The following WDTC1 variants were observed in gnomAD, a reference collection of about 807,000 sequenced individuals.
WDTC1 encodes WD and tetratricopeptide repeats 1, also known as WD and tetratricopeptide repeats protein 1.
In WDTC1, 12 loss-of-function variants were observed where a neutral mutation model predicts 76.0. The ratio of observed to expected loss-of-function variants is 0.16; its 90% CI spans 0.10 to 0.26. The LOEUF is 0.26. Among genes scored for constraint, WDTC1 ranks in the 10% least tolerant of loss-of-function variants. The pLI is 1.00. For synonymous variants in WDTC1, 326 were observed against 350.8 expected, an observed-to-expected ratio of 0.93 and a Z score of 0.79; for missense variants, 511 against 908.8, an observed-to-expected ratio of 0.56 and a Z score of 5.63.
chr1:27,238,434 G>A (rs1044042291), intron 1 of WDTC1, among the ~76,000 whole-genome samples: 26 of 152,166 alleles, frequency 1.7e-4, no homozygotes, highest in Admixed American at 1.6e-3. Flanking sequence ...CCTTGTGAGG[G>A]AGTGAGTTAC....
chr1:27,296,744 C>T (rs2013696896), intron 10 of WDTC1, among the ~76,000 whole-genome samples: 1 of 151,946 alleles, frequency 6.6e-6, no homozygotes, highest in South Asian at 2.1e-4. Flanking sequence ...CACCTCCTCA[C>T]TCCATTCCCA....
chr1:27,282,324 G>A, intron 4 of WDTC1, 39 bp downstream of exon 4: 7 of 1,606,342 alleles, frequency 4.4e-6, no homozygotes, highest in Non-Finnish European at 6.0e-6. Context: ...TGCTGGGGAA[G>A]GAAGTAAGGA....
Position 27,288,420 on chromosome 1 carries a change from T to G in WDTC1, c.479+559T>G, listed in dbSNP as rs555453722. 8.0e-4 allele frequency among the ~76,000 whole-genome samples: 122 copies of G among 152,038 alleles called. 1 individual carries two copies. Among genetic ancestry groups the G allele is most frequent in the African/African-American group, 2.5e-3 (102 of 41,464 alleles). Reference sequence around the variant, plus strand: ...CAGAGGGGGATTTGGCAGGGTCATATGACAATAGTGGAGGGAAGGTCAGCA... The same window carrying G: ...CAGAGGGGGATTTGGCAGGGTCATAGGACAATAGTGGAGGGAAGGTCAGCA... On this transcript the variant is annotated intron_variant, in intron 6 of 15. Coordinates refer to ENST00000319394, the MANE Select transcript of WDTC1 (RefSeq NM_001276252.2).
At chr1:27,262,972 C>A (rs1050738287) in intron 2 of WDTC1, among the ~76,000 whole-genome samples, 180 bp from the exon 3 acceptor site, 2 of 151,644 alleles carry the variant, frequency 1.3e-5, no homozygotes, top group African/African-American at 2.4e-5. Context: ...TAATTATATA[C>A]TACTGTCTTC....
Position 27,305,212 on chromosome 1 carries a change from G to C in WDTC1, c.1836+19G>C. 4 of 1,610,072 alleles carry C rather than the reference G, an allele frequency of 2.5e-6. No homozygotes were observed. Among genetic ancestry groups the C allele is most frequent in the Non-Finnish European group, 3.4e-6 (4 of 1,178,450 alleles). On this transcript the variant is annotated intron_variant, in intron 15 of 15. Coordinates refer to ENST00000319394, the MANE Select transcript of WDTC1 (RefSeq NM_001276252.2). This position sits in a 1 kb window ranked among gnomAD's most constrained non-coding sequence, Gnocchi z 4.6. ...ACCAGAGGTGAGGGTGCAGAGCCAAGCAGAGAGGAGGGCAGGGACTCTGTG... is the reference window on the plus strand; with the variant it reads ...ACCAGAGGTGAGGGTGCAGAGCCAACCAGAGAGGAGGGCAGGGACTCTGTG...
At chr1:27,248,573 G>T (rs1289692725) in intron 1 of WDTC1, among the ~76,000 whole-genome samples, 1 of 152,138 alleles carries the variant, frequency 6.6e-6, no homozygotes, top group South Asian at 2.1e-4. Flanking sequence ...TAGTTTGCAA[G>T]TATTTTCTCC....
rs755476003 is a variant in WDTC1 at position 27,297,118 on chromosome 1, C to T, written c.1020C>T (p.Ser340=). The part of the protein sequence containing the change: ...NGVSNGLHLH[S]NGFRLPESRG... ...TGTCCAATGGCCTGCACCTTCATAGCAATGGCTTCCGGCTGCCGGAGAGTA... is the reference window on the plus strand; with the variant it reads ...TGTCCAATGGCCTGCACCTTCATAGTAATGGCTTCCGGCTGCCGGAGAGTA... The change falls in exon 11 of 16, where the codon AGC becomes AGT. Residue 340 remains serine (S), a synonymous_variant. Transcript: ENST00000319394. 1.2e-6 allele frequency: 2 copies of T among 1,613,910 alleles called. No individual in the cohort carries two copies. The highest frequency in any genetic ancestry group is 1.3e-5 in the African/African-American group (1 of 75,042).
intron 9 of WDTC1, 132 bp from the exon 10 acceptor site, chr1:27,296,194 C>T (rs1370209538): frequency 9.2e-7 from 1 of 1,082,080 alleles, no homozygotes; most frequent in African/African-American, 1.6e-5. Context: ...CTTAGGATAG[C>T]TTGATTGTTC....
chr1:27,294,501 C>A lies in WDTC1; in HGVS notation c.758-13C>A. 1 of 1,612,922 alleles carries A rather than the reference C, an allele frequency of 6.2e-7. No individual in the cohort carries two copies. The highest frequency in any genetic ancestry group is 8.5e-7 in the Non-Finnish European group (1 of 1,178,880). ...GGACTGGGACCCTAGTATGACTGGG[C>A]TATTCCCTGCAGGTCACCTGCCAGT... On this transcript the variant is annotated splice_polypyrimidine_tract_variant and intron_variant, in intron 8 of 15. Coordinates refer to ENST00000319394, the MANE Select transcript of WDTC1 (RefSeq NM_001276252.2).
Position 27,265,308 on chromosome 1 carries a change from C to G in WDTC1, c.132+2073C>G, listed in dbSNP as rs376787351. ...AAGCAGATGAGAATCTACTGGTCTTCCATTAAACTAGACATTAAAGAAGTT... is the reference window on the plus strand; with the variant it reads ...AAGCAGATGAGAATCTACTGGTCTTGCATTAAACTAGACATTAAAGAAGTT... On this transcript the variant is annotated intron_variant, in intron 3 of 15. Transcript: ENST00000319394. Among the ~76,000 whole-genome samples the G allele has an allele frequency of 4.6e-5, 7 of 152,164 alleles. No individual in the cohort carries two copies. In the East Asian group the frequency reaches 9.7e-4, roughly 21 times the overall value.
intron 7 of WDTC1, among the ~76,000 whole-genome samples, chr1:27,293,208 G>A (rs1253126555): frequency 6.0e-5 from 9 of 151,130 alleles, no homozygotes; most frequent in South Asian, 2.1e-4. Flanking sequence ...CGAGGCAGGC[G>A]GATCACGAGG....
intron 6 of WDTC1, 23 bp downstream of exon 6, chr1:27,287,884 G>A: frequency 2.5e-6 from 4 of 1,603,570 alleles, no homozygotes; most frequent in Non-Finnish European, 3.4e-6. Flanking sequence ...GGCATCTAGT[G>A]GAGCCTGTCG....
rs748872167 is a variant in WDTC1, at chr1:27,306,247, G to A, written c.1898G>A (p.Arg633Gln). The A allele has an allele frequency of 1.1e-5, 17 of 1,613,988 alleles. No individual in the cohort carries two copies. The highest frequency in any genetic ancestry group is 1.7e-5 in the Admixed American group (1 of 59,992). The change falls in exon 16 of 16, where the codon CGG becomes CAG. Residue 633 changes from arginine (R) to glutamine (Q), a missense_variant. Transcript: ENST00000319394. This position sits in a 1 kb window ranked among gnomAD's most constrained non-coding sequence, Gnocchi z 5.0. ...DMEGASQANQ[R>Q]RMNADPLEVM... ...GAGGGTGCTTCACAGGCCAACCAGCGGCGCATGAATGCAGACCCGTTGGAG... is the reference window on the plus strand; with the variant it reads ...GAGGGTGCTTCACAGGCCAACCAGCAGCGCATGAATGCAGACCCGTTGGAG...
At chr1:27,263,034 TC>T (rs2012533209) in intron 2 of WDTC1, 117 bp from the exon 3 acceptor site, 5 of 995,804 alleles carry the variant, frequency 5.0e-6, no homozygotes, top group Non-Finnish European at 7.5e-6. Context: ...GTAGGCCAGT[TC>T]CTTGTTGTCT....
Position 27,296,401 on chromosome 1 carries a change from G to A in WDTC1, c.949G>A (p.Glu317Lys), listed in dbSNP as rs1465815634. The change falls in exon 10 of 16, where the codon GAA becomes AAA. Residue 317 changes from glutamate (E) to lysine (K), a missense_variant and splice_region_variant. Coordinates refer to ENST00000319394, the MANE Select transcript of WDTC1 (RefSeq NM_001276252.2). ...LLPRKCHSSGEVQNGKMSTNG... is the reference protein window; with the variant it reads ...LLPRKCHSSGKVQNGKMSTNG... ...GCCTAGAAAATGCCACTCCTCGGGG[G>A]GTAAGTTCTCCCTTAGGGTATCTCT... 1 of 1,614,036 alleles carries A rather than the reference G, an allele frequency of 6.2e-7. No individual in the cohort carries two copies. The highest frequency in any genetic ancestry group is 1.3e-5 in the African/African-American group (1 of 74,996).
At chr1:27,280,762 C>T (rs1056323877) in intron 3 of WDTC1, among the ~76,000 whole-genome samples, 1 of 152,122 alleles carries the variant, frequency 6.6e-6, no homozygotes, top group African/African-American at 2.4e-5. Flanking sequence ...TCAGCAGGTA[C>T]GTTAAATGTG....
intron 3 of WDTC1, among the ~76,000 whole-genome samples, chr1:27,266,886 A>G (rs1301485159): frequency 6.6e-6 from 1 of 152,120 alleles, no homozygotes; most frequent in Non-Finnish European, 1.5e-5. Context: ...GGGTTTTCCA[A>G]TTTTCTACTC....
intron 3 of WDTC1, among the ~76,000 whole-genome samples, chr1:27,272,200 C>T (rs556816213): frequency 2.0e-5 from 3 of 151,834 alleles, no homozygotes; most frequent in African/African-American, 4.8e-5. Flanking sequence ...GAGCTGAGAT[C>T]GTGCCATTGC....
chr1:27,240,334 G>C (rs954950415), intron 1 of WDTC1, among the ~76,000 whole-genome samples: 1 of 152,196 alleles, frequency 6.6e-6, no homozygotes, highest in African/African-American at 2.4e-5. Flanking sequence ...TAGTAGTGTA[G>C]GGCTGATATT....
Sources: gnomAD v4.1 joint callset for allele counts (sites outside exome capture counted in the v4.1 genomes callset) on GRCh38, gnomAD v4.1.1 for gene constraint, Gnocchi (gnomAD v3.1) non-coding constraint, MANE v1.5 for transcripts, NCBI Gene and HGNC (gene_info 2026-07-23, HGNC 2026-07-21) for gene names.